Variants in KLF12 observed in about 807,000 individuals in gnomAD.
KLF12 encodes the protein Krueppel-like factor 12.
KLF12 carries 9 observed loss-of-function variants against 37.8 expected under a neutral mutation model. The ratio of observed to expected loss-of-function variants is 0.24; its 90% confidence interval spans 0.14 to 0.42. The LOEUF is 0.42. Ranked by LOEUF, KLF12 falls within the 10% of genes least tolerant of loss-of-function variation. The pLI is 1.00. For missense variants in KLF12, 411 were observed against 516.0 expected, an observed-to-expected ratio of 0.80 and a Z score of 1.97; for synonymous variants, 208 against 202.1, an observed-to-expected ratio of 1.03 and a Z score of -0.25.
the KLF12 span, among the ~76,000 whole-genome samples, chr13:74,283,097 T>C: frequency 2.9e-4 from 44 of 152,208 alleles, no homozygotes; most frequent in South Asian, 7.5e-3. Context: ...AAACAAACAA[T>C]ATGCACATGA....
At chr13:74,264,374 T>A in the KLF12 span, among the ~76,000 whole-genome samples, 2 of 152,172 alleles carry the variant, frequency 1.3e-5, no homozygotes, top group Non-Finnish European at 2.9e-5. Flanking sequence ...AGATGAGGTA[T>A]CCAAAAAATA....
chr13:74,271,063 G>A, the KLF12 span, among the ~76,000 whole-genome samples: 1 of 152,080 alleles, frequency 6.6e-6, no homozygotes, highest in East Asian at 1.9e-4. Flanking sequence ...GATCAGCAGT[G>A]GCATTAGATT....
At chr13:73,704,756 TCCGACTCAGCAGTG>T (rs1043792837) in intron 7 of KLF12, among the ~76,000 whole-genome samples, 20 of 152,298 alleles carry the variant, frequency 1.3e-4, no homozygotes, top group African/African-American at 4.6e-4. Flanking sequence ...TTCCTCTCTG[TCCGACTCAGCAGTG>T]CCGACTCAGC....
At chr13:74,025,563 T>TAAAAAAAA (rs113282471) in intron 1 of KLF12, among the ~76,000 whole-genome samples, 1 of 140,366 alleles carries the variant, frequency 7.1e-6, no homozygotes. Context: ...TGTTCAGAGT[T>TAAAAAAAA]AAAAAAAAAA....
chr13:74,249,572 A>T, the KLF12 span, among the ~76,000 whole-genome samples: 1 of 152,106 alleles, frequency 6.6e-6, no homozygotes, highest in Non-Finnish European at 1.5e-5. Context: ...ACAGTATGTG[A>T]GAGTTGGGGA....
the KLF12 span, among the ~76,000 whole-genome samples, chr13:74,171,004 A>G: frequency 2.6e-5 from 4 of 152,106 alleles, no homozygotes; most frequent in African/African-American, 9.7e-5. Context: ...ACCTCAGGTG[A>G]TCTTCCTGCC....
At chr13:74,192,171 A>C in the KLF12 span, among the ~76,000 whole-genome samples, 1 of 152,162 alleles carries the variant, frequency 6.6e-6, no homozygotes, top group Admixed American at 6.6e-5. Context: ...TAACTTAAAA[A>C]AAAATGGAAA....
At chr13:74,019,801 C>T (rs917774651) in intron 1 of KLF12, among the ~76,000 whole-genome samples, 4 of 152,230 alleles carry the variant, frequency 2.6e-5, no homozygotes, top group African/African-American at 9.6e-5. Flanking sequence ...CTTTCAGGAA[C>T]CTCTGTAACA....
At chr13:73,895,597 A>G (rs989785877) in intron 3 of KLF12, among the ~76,000 whole-genome samples, 1 of 152,182 alleles carries the variant, frequency 6.6e-6, no homozygotes, top group Non-Finnish European at 1.5e-5. Flanking sequence ...AGGGTGAATT[A>G]TGAACCATAT....
chr13:73,736,429 A>G (rs941799560), intron 6 of KLF12, among the ~76,000 whole-genome samples: 1 of 152,236 alleles, frequency 6.6e-6, no homozygotes, highest in Non-Finnish European at 1.5e-5. Flanking sequence ...AAACTATAGT[A>G]TTTTAAAACT....
intron 2 of KLF12, among the ~76,000 whole-genome samples, chr13:73,994,472 C>A (rs922443394): frequency 1.4e-5 from 2 of 146,712 alleles, no homozygotes; most frequent in Non-Finnish European, 1.5e-5. Context: ...AGCGCCCCCC[C>A]CACCACCACA....
intron 1 of KLF12, among the ~76,000 whole-genome samples, chr13:74,099,431 A>G (rs1876177697): frequency 6.6e-6 from 1 of 152,032 alleles, no homozygotes; most frequent in South Asian, 2.1e-4. Flanking sequence ...TATAAATCTC[A>G]TTTTGCTCAG....
chr13:74,075,913 CA>C (rs1247499482), intron 1 of KLF12, among the ~76,000 whole-genome samples: 6 of 152,134 alleles, frequency 3.9e-5, no homozygotes, highest in African/African-American at 1.4e-4. Flanking sequence ...TTTTCAAACA[CA>C]ATTCTGACAT....
At chr13:74,173,139 A>G in the KLF12 span, among the ~76,000 whole-genome samples, 17 of 152,348 alleles carry the variant, frequency 1.1e-4, no homozygotes, top group Non-Finnish European at 1.3e-4. Context: ...CTCACTCCCA[A>G]ATCAACTCCA....
At chr13:73,981,808 A>C (rs2138183990) in intron 2 of KLF12, among the ~76,000 whole-genome samples, 1 of 152,302 alleles carries the variant, frequency 6.6e-6, no homozygotes, top group East Asian at 1.9e-4. Flanking sequence ...CTGGCCAGAC[A>C]CTGAATCTGC....
intron 1 of KLF12, among the ~76,000 whole-genome samples, chr13:74,101,932 G>A (rs1218814644): frequency 1.3e-5 from 2 of 152,114 alleles, no homozygotes; most frequent in African/African-American, 4.8e-5. Context: ...GAATATGCCT[G>A]ATGGAGGCCA....
chr13:74,148,883 C>G, the KLF12 span, among the ~76,000 whole-genome samples: 522 of 152,294 alleles, frequency 3.4e-3, 4 homozygotes, highest in Non-Finnish European at 6.3e-3. Flanking sequence ...GGCATGACCT[C>G]GGCTCACTGC....
intron 3 of KLF12, among the ~76,000 whole-genome samples, chr13:73,892,058 T>C (rs1218341609): frequency 6.6e-6 from 1 of 152,112 alleles, no homozygotes; most frequent in Non-Finnish European, 1.5e-5. Flanking sequence ...AAGTAGCTCC[T>C]TCACAGCAAG....
intron 1 of KLF12, among the ~76,000 whole-genome samples, chr13:74,108,667 C>T (rs954313381): frequency 3.3e-5 from 5 of 151,962 alleles, no homozygotes; most frequent in Admixed American, 1.3e-4. Context: ...ATGTATGTTA[C>T]GTGTATTAAA....
Sources: allele counts gnomAD v4.1 joint callset (sites outside exome capture counted in the v4.1 genomes callset), GRCh38; gene constraint gnomAD v4.1.1; transcripts MANE v1.5; gene names NCBI Gene and HGNC (gene_info 2026-07-23, HGNC 2026-07-21).